The following SMG6 variants were observed in gnomAD, a reference collection of about 807,000 sequenced individuals.
SMG6 encodes the protein SMG6 nonsense mediated mRNA decay factor, also known as telomerase-binding protein EST1A.
In SMG6, 66 loss-of-function variants were observed where a neutral mutation model predicts 142.2. That is an observed-to-expected ratio of 0.46 (90% CI 0.38 to 0.57). SMG6 has a LOEUF of 0.57. SMG6 is among the 20% of genes least tolerant of loss of function. SMG6 has a pLI of 0.00. For synonymous variants in SMG6, 779 were observed against 702.4 expected (o/e 1.11, Z -1.72); for missense variants, 1,793 against 1,832.0 (o/e 0.98, Z 0.39).
chr17:2,229,615 T>C (rs192812032), intron 10 of SMG6, among the ~76,000 whole-genome samples: 2 of 152,268 alleles, frequency 1.3e-5, no homozygotes, highest in East Asian at 1.9e-4. Context: ...GGAAAACACA[T>C]ATGCAGTAAC....
intron 13 of SMG6, among the ~76,000 whole-genome samples, chr17:2,157,346 T>C (rs911628954): frequency 6.6e-6 from 1 of 152,202 alleles, no homozygotes; most frequent in African/African-American, 2.4e-5. Flanking sequence ...ACACAAATGT[T>C]TTCCATTAAA....
At chr17:2,285,321 A>G (rs1159006316) in intron 6 of SMG6, among the ~76,000 whole-genome samples, 1 of 152,220 alleles carries the variant, frequency 6.6e-6, no homozygotes, top group East Asian at 1.9e-4. Flanking sequence ...AAATGTTGCT[A>G]ACAGACAACT....
intron 9 of SMG6, 165 bp from the exon 10 acceptor site, chr17:2,236,802 C>T (rs1467595393): frequency 4.6e-6 from 6 of 1,310,692 alleles, no homozygotes; most frequent in African/African-American, 3.0e-5. Flanking sequence ...CAAACCTTCC[C>T]GGTATCCTGC....
At chr17:2,104,275 T>C (rs1007662654) in intron 13 of SMG6, among the ~76,000 whole-genome samples, 52 of 152,136 alleles carry the variant, frequency 3.4e-4, no homozygotes, top group African/African-American at 1.2e-3. Flanking sequence ...TTTGTATTTT[T>C]AGTACAGACA....
rs574583579 is a variant in SMG6, at chr17:2,096,285, C to T, written c.3358-10384G>A. Reference sequence around the variant, plus strand: ...GTGGCGCGATCTCGGCTCACTGCAACCTTCGTCTTGAACCTGGGTTCAAGT... The same window carrying T: ...GTGGCGCGATCTCGGCTCACTGCAATCTTCGTCTTGAACCTGGGTTCAAGT... On this transcript the variant is annotated intron_variant, in intron 13 of 18. Coordinates refer to ENST00000263073, the MANE Select transcript of SMG6 (RefSeq NM_017575.5). Among the ~76,000 whole-genome samples, 21 of 152,228 alleles carry T rather than the reference C, an allele frequency of 1.4e-4. No individual in the cohort carries two copies. In the South Asian group the frequency reaches 3.5e-3, roughly 26 times the overall value.
intron 8 of SMG6, among the ~76,000 whole-genome samples, chr17:2,256,556 G>GT: frequency 2.0e-5 from 3 of 152,202 alleles, no homozygotes; most frequent in Non-Finnish European, 4.4e-5. Context: ...GAGCTCAGGA[G>GT]TTTGAGACCA....
intron 13 of SMG6, chr17:2,127,967 C>T: frequency 1.9e-6 from 1 of 537,864 alleles, no homozygotes; most frequent in South Asian, 1.5e-5. Context: ...GTAGCAAACC[C>T]ATGGTCTTCC....
chr17:2,248,733 A>G (rs903235010), intron 8 of SMG6, among the ~76,000 whole-genome samples: 2 of 152,208 alleles, frequency 1.3e-5, no homozygotes, highest in African/African-American at 4.8e-5. Flanking sequence ...TGTCATCAAT[A>G]ACACTTCAAT....
rs556027647 is a variant in SMG6 at position 2,282,869 on chromosome 17, A to G, written c.2449-10T>C. The G allele has an allele frequency of 2.3e-5, 37 of 1,613,570 alleles. No homozygotes were observed. The South Asian group carries it at 4.1e-4, about 18-fold the overall frequency. On this transcript the variant is annotated splice_polypyrimidine_tract_variant and intron_variant, in intron 7 of 18. Transcript: ENST00000263073. ...TTTCCATCTGTTCTGCCTATATAAC[A>G]TACAAACACATTAGCTCATGGCCTG...
At chr17:2,083,241 C>G (rs533643132) in intron 14 of SMG6, among the ~76,000 whole-genome samples, 1 of 152,174 alleles carries the variant, frequency 6.6e-6, no homozygotes, top group Non-Finnish European at 1.5e-5. Context: ...GCTCTCTTCT[C>G]TAACTGTCCA....
intron 10 of SMG6, among the ~76,000 whole-genome samples, chr17:2,207,820 C>T (rs897299741): frequency 6.6e-6 from 1 of 152,020 alleles, no homozygotes; most frequent in Non-Finnish European, 1.5e-5. Flanking sequence ...ATTAGCAACC[C>T]CCTGCCAAAC....
intron 2 of SMG6, 87 bp from the exon 3 acceptor site, chr17:2,298,142 C>A: frequency 1.6e-6 from 2 of 1,229,214 alleles, no homozygotes; most frequent in Non-Finnish European, 2.2e-6. Context: ...AAATTAACCA[C>A]CTCCCCTGGC....
intron 13 of SMG6, among the ~76,000 whole-genome samples, chr17:2,122,160 T>C (rs543592421): frequency 1.8e-4 from 28 of 152,108 alleles, no homozygotes; most frequent in African/African-American, 6.3e-4. Flanking sequence ...GATGGGTGGA[T>C]AGATGGGGGA....
At chr17:2,144,608 G>A (rs747054566) in intron 13 of SMG6, among the ~76,000 whole-genome samples, 6 of 152,022 alleles carry the variant, frequency 3.9e-5, no homozygotes, top group African/African-American at 1.4e-4. Context: ...CTGTATCCAC[G>A]GGAATTCTTT....
intron 13 of SMG6, among the ~76,000 whole-genome samples, chr17:2,154,873 A>G (rs973330919): frequency 2.0e-5 from 3 of 151,988 alleles, no homozygotes; most frequent in Non-Finnish European, 4.4e-5. Context: ...CATCTCTACA[A>G]AAAAATACAA....
At chr17:2,258,592 T>C (rs1207781900) in intron 8 of SMG6, among the ~76,000 whole-genome samples, 2 of 136,730 alleles carry the variant, frequency 1.5e-5, no homozygotes, top group African/African-American at 5.8e-5. Context: ...CATTTGAACC[T>C]AGGAATTCAA....
At chr17:2,221,608 C>A (rs553898564) in intron 10 of SMG6, among the ~76,000 whole-genome samples, 1 of 152,312 alleles carries the variant, frequency 6.6e-6, no homozygotes, top group African/African-American at 2.4e-5. Context: ...GTAAAATATG[C>A]ATTTGGAAAT....
chr17:2,100,815 A>G (rs57506548), intron 13 of SMG6, among the ~76,000 whole-genome samples: 2,688 of 150,686 alleles, frequency 0.018, 83 homozygotes, highest in African/African-American at 0.063. Flanking sequence ...CCAAAGTGCT[A>G]GGATTACAGG....
intron 13 of SMG6, among the ~76,000 whole-genome samples, chr17:2,161,587 C>G (rs2151626152): frequency 6.6e-6 from 1 of 152,130 alleles, no homozygotes; most frequent in South Asian, 2.1e-4. Context: ...TTGTCCTGAT[C>G]TTCTGGTCCT....
Sources: gnomAD v4.1 joint callset for allele counts (sites outside exome capture counted in the v4.1 genomes callset) on GRCh38, gnomAD v4.1.1 for gene constraint, MANE v1.5 for transcripts, NCBI Gene and HGNC (gene_info 2026-07-23, HGNC 2026-07-21) for gene names.